Variants in CCL28 observed in about 807,000 individuals in gnomAD.
CCL28 encodes the protein C-C motif chemokine 28.
In CCL28, 4 loss-of-function variants were observed where a neutral mutation model predicts 7.1. The ratio of observed to expected loss-of-function variants is 0.56; its 90% CI spans 0.28 to 1.29. The LOEUF is 1.29. Among genes scored for constraint, CCL28 ranks in the 50% most tolerant of loss-of-function variants. CCL28 has a pLI of 0.11. For synonymous variants in CCL28, 55 were observed against 57.8 expected, an observed-to-expected ratio of 0.95 and a Z score of 0.22; for missense variants, 151 against 163.4, an observed-to-expected ratio of 0.92 and a Z score of 0.41.
rs969188622 is a variant in CCL28 at position 43,396,511 on chromosome 5, G to A, written c.65-8035C>T. Reference sequence around the variant, plus strand: ...ATTGCATTGCAGCCTGGGCGACAGAGACCTTGTCTCTAATAATAAATAAAT... The same window carrying A: ...ATTGCATTGCAGCCTGGGCGACAGAAACCTTGTCTCTAATAATAAATAAAT... On this transcript the variant is annotated intron_variant, in intron 1 of 2. Transcript: ENST00000361115. Among the ~76,000 whole-genome samples, 26 of 152,278 alleles carry A rather than the reference G, an allele frequency of 1.7e-4. No homozygotes were observed. In the East Asian group the frequency reaches 4.6e-3, roughly 27 times the overall value.
chr5:43,384,523 C>A (rs1304142263), intron 2 of CCL28, among the ~76,000 whole-genome samples: 1 of 152,152 alleles, frequency 6.6e-6, no homozygotes, highest in Admixed American at 6.5e-5. Flanking sequence ...TGGCCTATTC[C>A]ACATTCCTTC....
At chr5:43,397,262 G>A (rs1191616150) in intron 1 of CCL28, 1 of 152,160 alleles carries the variant, frequency 6.6e-6, no homozygotes, top group African/African-American at 2.4e-5. Flanking sequence ...AGCCTACCGC[G>A]GGCTGCCCTT....
chr5:43,408,199 T>C (rs938404650), intron 1 of CCL28, among the ~76,000 whole-genome samples: 42 of 152,248 alleles, frequency 2.8e-4, no homozygotes, highest in African/African-American at 5.8e-4. Context: ...TGTATGTTTA[T>C]TGCAGCACTA....
intron 2 of CCL28, among the ~76,000 whole-genome samples, chr5:43,383,614 G>A (rs1740215257): frequency 6.6e-6 from 1 of 152,064 alleles, no homozygotes; most frequent in African/African-American, 2.4e-5. Flanking sequence ...TTCTCACTAT[G>A]GTCAGTTGGT....
chr5:43,364,439 A>G, the CCL28 span, among the ~76,000 whole-genome samples: 4 of 152,218 alleles, frequency 2.6e-5, no homozygotes, highest in African/African-American at 7.2e-5. Context: ...ACATATATAT[A>G]TCAAAACATC....
At chr5:43,373,718 C>T (rs149061337), downstream of CCL28, among the ~76,000 whole-genome samples, 649 of 152,292 alleles carry the variant, frequency 4.3e-3, 10 homozygotes, top group African/African-American at 0.013. Flanking sequence ...ATCTCCAAGG[C>T]CACTATGTTC....
At chr5:43,399,599 G>A (rs1376949755) in intron 1 of CCL28, among the ~76,000 whole-genome samples, 1 of 152,058 alleles carries the variant, frequency 6.6e-6, no homozygotes, top group East Asian at 1.9e-4. Flanking sequence ...CTTGTTTTAA[G>A]GCTTTTAATG....
chr5:43,374,831 T>C (rs7727047), downstream of CCL28, among the ~76,000 whole-genome samples: 75,571 of 150,622 alleles, frequency 0.5, 19,561 homozygotes, highest in Middle Eastern at 0.64. Context: ...GTACTAATAC[T>C]ACATTTAGGT....
chr5:43,372,608 A>G (rs1407601494), downstream of CCL28, among the ~76,000 whole-genome samples: 1 of 151,942 alleles, frequency 6.6e-6, no homozygotes, highest in Non-Finnish European at 1.5e-5. Flanking sequence ...ACCTCAACTG[A>G]TTCACCCACC....
At chr5:43,403,307 T>C (rs1209057478) in intron 1 of CCL28, among the ~76,000 whole-genome samples, 5 of 152,154 alleles carry the variant, frequency 3.3e-5, no homozygotes, top group Non-Finnish European at 7.4e-5. Flanking sequence ...CCCTCTGAGA[T>C]GAAGCTTGCA....
chr5:43,362,686 G>A, the CCL28 span, among the ~76,000 whole-genome samples: 20 of 152,242 alleles, frequency 1.3e-4, no homozygotes, highest in South Asian at 4.1e-4. Flanking sequence ...CTGTGTCTTC[G>A]TTACCTCTGA....
chr5:43,364,647 A>G, the CCL28 span, among the ~76,000 whole-genome samples: 1 of 152,124 alleles, frequency 6.6e-6, no homozygotes, highest in African/African-American at 2.4e-5. Context: ...TCTAATATTG[A>G]CAGTGGGGTG....
Position 43,388,484 on chromosome 5 carries a change from A to T in CCL28, c.65-8T>A. The T allele has an allele frequency of 6.2e-7, 1 of 1,612,368 alleles. No individual in the cohort carries two copies. Among genetic ancestry groups the T allele is most frequent in the Non-Finnish European group, 8.5e-7 (1 of 1,179,612 alleles). ...AGGCAATGGGAAGTATGGCTAAAAG[A>T]AGAAAAGAAAGAAAATGTTAAATTT... On this transcript the variant is annotated splice_polypyrimidine_tract_variant and splice_region_variant and intron_variant, in intron 1 of 2. Coordinates refer to ENST00000361115, the MANE Select transcript of CCL28 (RefSeq NM_148672.3).
chr5:43,367,804 T>G, the CCL28 span, among the ~76,000 whole-genome samples: 2 of 152,242 alleles, frequency 1.3e-5, no homozygotes, highest in Non-Finnish European at 2.9e-5. Context: ...CCCTAGCTGT[T>G]CCTATTTGGC....
chr5:43,361,759 T>C, the CCL28 span, among the ~76,000 whole-genome samples: 1 of 152,170 alleles, frequency 6.6e-6, no homozygotes, highest in East Asian at 1.9e-4. Flanking sequence ...CCTTCCTCAT[T>C]GCTTATTTTT....
chr5:43,406,807 A>G (rs575285770), intron 1 of CCL28, among the ~76,000 whole-genome samples: 25 of 152,344 alleles, frequency 1.6e-4, no homozygotes, highest in African/African-American at 6.0e-4. Flanking sequence ...AGGATACAAA[A>G]TCAATGTGCA....
intron 1 of CCL28, among the ~76,000 whole-genome samples, chr5:43,397,877 T>A (rs1008666460): frequency 6.6e-6 from 1 of 152,238 alleles, no homozygotes; most frequent in African/African-American, 2.4e-5. Context: ...TTTGCGTTTT[T>A]AAATCCTTTT....
intron 1 of CCL28, among the ~76,000 whole-genome samples, chr5:43,395,192 G>GTA (rs1740749142): frequency 6.7e-6 from 1 of 148,296 alleles, no homozygotes; most frequent in South Asian, 2.1e-4. Context: ...TGGCTTACTT[G>GTA]TATATATAAT....
intron 1 of CCL28, among the ~76,000 whole-genome samples, chr5:43,410,170 A>G (rs1246598805): frequency 6.6e-6 from 1 of 152,064 alleles, no homozygotes; most frequent in African/African-American, 2.4e-5. Context: ...TGCACTGTTG[A>G]GTTGTTGAGT....
Sources: gnomAD v4.1 joint callset for allele counts (sites outside exome capture counted in the v4.1 genomes callset) on GRCh38, gnomAD v4.1.1 for gene constraint, MANE v1.5 for transcripts, NCBI Gene and HGNC (gene_info 2026-07-23, HGNC 2026-07-21) for gene names.